Variants in PPP4R2 observed in about 807,000 individuals in gnomAD.
The protein encoded by PPP4R2 is serine/threonine-protein phosphatase 4 regulatory subunit 2.
Under a neutral mutation model 47.2 loss-of-function variants are expected in PPP4R2, and 13 were observed. The observed-to-expected ratio is 0.28, with a 90% CI of 0.18 to 0.44. The LOEUF (loss-of-function observed/expected upper bound fraction) is 0.44. Ranked by LOEUF, PPP4R2 falls within the 20% of genes least tolerant of loss-of-function variation. The pLI, the probability that PPP4R2 is intolerant of heterozygous loss-of-function variation, is 1.00. For synonymous variants in PPP4R2, 151 were observed against 163.3 expected, an observed-to-expected ratio of 0.92 and a Z score of 0.57; for missense variants, 421 against 491.2, an observed-to-expected ratio of 0.86 and a Z score of 1.35.
chr3:73,026,063 G>C (rs1418120334), intron 2 of PPP4R2, among the ~76,000 whole-genome samples: 1 of 152,078 alleles, frequency 6.6e-6, no homozygotes, highest in Non-Finnish European at 1.5e-5. Flanking sequence ...TATGCTATTA[G>C]TAGTAGTCAT....
intron 2 of PPP4R2, among the ~76,000 whole-genome samples, chr3:73,004,200 C>T (rs1353385380): frequency 2.6e-5 from 4 of 151,302 alleles, no homozygotes; most frequent in African/African-American, 9.7e-5. Flanking sequence ...TTTTTTGCCC[C>T]CCTTTTTATT....
At position 73,063,034 on chromosome 3, in the gene PPP4R2, A is replaced by G. The variant is rs2231932; in HGVS notation, c.420-639A>G. The G allele has an allele frequency of 0.01, 8,645 of 852,742 alleles. 535 individuals carry two copies. In the African/African-American group the frequency reaches 0.13, roughly 13 times the overall value. 52.8% of individuals were successfully genotyped at this position (852,742 alleles called of 1,614,324 possible). ...TTTGAGGAGAAAAAAAACAATGGTTAAAAAGGCATTGGGGAAATATTTTGA... is the reference window on the plus strand; with the variant it reads ...TTTGAGGAGAAAAAAAACAATGGTTGAAAAGGCATTGGGGAAATATTTTGA... On this transcript the variant is annotated intron_variant, in intron 5 of 8. Coordinates refer to ENST00000356692, the MANE Select transcript of PPP4R2 (RefSeq NM_174907.4).
intron 2 of PPP4R2, among the ~76,000 whole-genome samples, chr3:73,008,110 A>T (rs543862316): frequency 9.3e-6 from 1 of 107,914 alleles, no homozygotes; most frequent in Admixed American, 1.1e-4. Flanking sequence ...ATCTGAAGCC[A>T]TTGGCTTGGT....
chr3:73,064,722 C>T, intron 7 of PPP4R2, 130 bp from the exon 8 acceptor site: 2 of 792,144 alleles, frequency 2.5e-6, no homozygotes, highest in Non-Finnish European at 4.1e-6. Flanking sequence ...TTGTGTTTTT[C>T]TTTGTTCAGG....
In PPP4R2 at chr3:73,065,504, A is replaced by G; in HGVS notation, c.1036A>G (p.Met346Val). 1 of 1,611,904 alleles carries G rather than the reference A, an allele frequency of 6.2e-7. No homozygotes were observed. Among genetic ancestry groups the G allele is most frequent in the Non-Finnish European group, 8.5e-7 (1 of 1,179,718 alleles). The change falls in exon 9 of 9, where the codon ATG becomes GTG. Residue 346 changes from methionine to valine, a missense_variant. By Grantham distance (21) the Met-to-Val change is conservative (BLOSUM62 1). This residue lies in a region of PPP4R2 where 317 missense variants were observed against 287.5 expected (regional missense o/e 1.10). Coordinates refer to ENST00000356692, the MANE Select transcript of PPP4R2 (RefSeq NM_174907.4). ...AGAGACTTCTGAGGAAAATAATCAA[A>G]TGGAGGAATCTGATGTGTCTCAAGC... ...NEETSEENNQ[M>V]EESDVSQAEK...
At chr3:73,008,403 C>T (rs1456284893) in intron 2 of PPP4R2, among the ~76,000 whole-genome samples, 1 of 152,202 alleles carries the variant, frequency 6.6e-6, no homozygotes, top group Non-Finnish European at 1.5e-5. Context: ...TTAGGCACGC[C>T]AACTTTCTGA....
At chr3:73,057,665 A>G (rs1408169191) in intron 3 of PPP4R2, among the ~76,000 whole-genome samples, 1 of 152,166 alleles carries the variant, frequency 6.6e-6, no homozygotes, top group Non-Finnish European at 1.5e-5. Flanking sequence ...TTTTTTGCAC[A>G]TCTTATACTT....
At position 73,031,227 on chromosome 3, in the gene PPP4R2, C is replaced by A. The variant is rs567841803; in HGVS notation, c.117-15959C>A. On this transcript the variant is annotated intron_variant, in intron 2 of 8. Transcript: ENST00000356692. Reference sequence around the variant, plus strand: ...TGATACACCTCTTCTCTATACTTTTCTGTTAGTTGACATATTTCATTTATT... The same window carrying A: ...TGATACACCTCTTCTCTATACTTTTATGTTAGTTGACATATTTCATTTATT... 2.6e-5 allele frequency among the ~76,000 whole-genome samples: 4 copies of A among 152,244 alleles called. No homozygotes were observed. In the South Asian group the frequency reaches 8.3e-4, roughly 32 times the overall value.
chr3:73,056,774 C>T (rs533297232), intron 3 of PPP4R2, among the ~76,000 whole-genome samples: 1 of 152,082 alleles, frequency 6.6e-6, no homozygotes, highest in Non-Finnish European at 1.5e-5. Flanking sequence ...ATTTAACTTA[C>T]ATTTCTAAAG....
intron 3 of PPP4R2, among the ~76,000 whole-genome samples, chr3:73,050,177 C>T (rs374333112): frequency 6.6e-6 from 1 of 152,210 alleles, no homozygotes; most frequent in African/African-American, 2.4e-5. Flanking sequence ...GTTGGCCAGG[C>T]TGGTCTGGAA....
rs752385300 is a variant in PPP4R2 at position 73,047,372 on chromosome 3, T to C, written c.287+16T>C. On this transcript the variant is annotated intron_variant, in intron 3 of 8. Transcript: ENST00000356692. ...GATTTAATGGGTATGCACTTAATAC[T>C]GTTTTAAAGATTTAATTTTTAGCAG... 3 of 1,498,306 alleles carry C rather than the reference T, an allele frequency of 2.0e-6. No individual in the cohort carries two copies. Among genetic ancestry groups the C allele is most frequent in the Non-Finnish European group, 2.7e-6 (3 of 1,107,512 alleles). 92.8% of individuals were successfully genotyped at this position (1,498,306 alleles called of 1,614,324 possible). A position where few individuals can be genotyped will look rare whatever the true frequency, so the allele number is the denominator to read the frequency against.
At chr3:73,036,560 G>A (rs1202374366) in intron 2 of PPP4R2, among the ~76,000 whole-genome samples, 1 of 152,160 alleles carries the variant, frequency 6.6e-6, no homozygotes. Flanking sequence ...TTTGTCATAT[G>A]TAAATGGAGA....
rs1331195723 is a variant in PPP4R2 at position 73,021,898 on chromosome 3, A to AT, written c.116+23741dup. On this transcript the variant is annotated intron_variant, in intron 2 of 8. Transcript: ENST00000356692. ...TGTGTGTGTATATATGCATATATAT[A>AT]TATTTTTTTTTTTTTTTTGAAACAA... is the stretch of plus-strand genomic sequence containing the variant. Among the ~76,000 whole-genome samples, 683 of 110,832 alleles carry AT rather than the reference A, an allele frequency of 6.2e-3. 8 individuals carry two copies. Among genetic ancestry groups the AT allele is most frequent in the Non-Finnish European group, 7.7e-3 (413 of 53,360 alleles). 72.7% of individuals were successfully genotyped at this position (110,832 alleles called of 152,430 possible).
At chr3:73,021,013 A>G (rs1351001328) in intron 2 of PPP4R2, among the ~76,000 whole-genome samples, 1 of 152,164 alleles carries the variant, frequency 6.6e-6, no homozygotes, top group African/African-American at 2.4e-5. Flanking sequence ...GTAAGGGCAC[A>G]CATTTGGTAT....
At chr3:73,059,250 C>T (rs1702793222) in intron 4 of PPP4R2, 120 bp downstream of exon 4, 9 of 557,504 alleles carry the variant, frequency 1.6e-5, no homozygotes, top group Admixed American at 7.5e-5. Context: ...TTCAGCCTAC[C>T]TTGAGTTTCC....
At chr3:73,016,306 A>G (rs1194974191) in intron 2 of PPP4R2, among the ~76,000 whole-genome samples, 1 of 152,028 alleles carries the variant, frequency 6.6e-6, no homozygotes, top group Non-Finnish European at 1.5e-5. Context: ...CAGTGGTTCT[A>G]AACCAGGGCT....
rs868407991 is a variant in PPP4R2 at position 73,005,740 on chromosome 3, G to T, written c.116+7582G>T. On this transcript the variant is annotated intron_variant, in intron 2 of 8. Transcript: ENST00000356692. ...CATGCTTGTAATCCCAGCTACTCGG[G>T]AGAATCACCTGATCCCGGGAGGCAG... Among the ~76,000 whole-genome samples the T allele has an allele frequency of 8.0e-5, 12 of 150,546 alleles. No homozygotes were observed. In the Middle Eastern group the frequency reaches 0.014, roughly 175 times the overall value.
intron 2 of PPP4R2, among the ~76,000 whole-genome samples, chr3:73,018,809 ATTCAAATATATATTAT>A (rs1403613268): frequency 6.6e-6 from 1 of 152,180 alleles, no homozygotes; most frequent in Non-Finnish European, 1.5e-5. Flanking sequence ...GATGGCCCCC[ATTCAAATATATATTAT>A]TTACTGAGAA....
intron 2 of PPP4R2, among the ~76,000 whole-genome samples, chr3:73,005,690 A>T (rs1026474505): frequency 2.0e-5 from 3 of 151,976 alleles, no homozygotes; most frequent in African/African-American, 7.3e-5. Context: ...CTCTACTAAA[A>T]ATACAAAATT....
Sources: gnomAD v4.1 joint callset for allele counts (sites outside exome capture counted in the v4.1 genomes callset) on GRCh38, gnomAD v4.1.1 for gene constraint, gnomAD v4.1.1 regional missense constraint, MANE v1.5 for transcripts, NCBI Gene and HGNC (gene_info 2026-07-23, HGNC 2026-07-21) for gene names.